The following ENTPD1 variants were observed in gnomAD, a reference collection of about 807,000 sequenced individuals.
The protein encoded by ENTPD1 is ATP diphosphohydrolase.
In ENTPD1, 33 loss-of-function variants were observed where a neutral mutation model predicts 57.0. That is an observed-to-expected ratio of 0.58 (90% CI 0.44 to 0.77). The LOEUF is 0.77. Ranked by LOEUF, ENTPD1 falls within the 30% of genes least tolerant of loss-of-function variation. The pLI, the probability that ENTPD1 is intolerant of heterozygous loss-of-function variation, is 0.00. For missense variants in ENTPD1, 501 were observed against 603.4 expected, an observed-to-expected ratio of 0.83 and a Z score of 1.78; for synonymous variants, 202 against 218.8, an observed-to-expected ratio of 0.92 and a Z score of 0.68.
intron 1 of ENTPD1, among the ~76,000 whole-genome samples, chr10:95,722,906 C>T (rs1222488645): frequency 1.3e-5 from 2 of 152,186 alleles, no homozygotes; most frequent in African/African-American, 4.8e-5. Flanking sequence ...AGTAAGCTAC[C>T]ATTTTGCTTT....
At chr10:95,862,203 A>AG (rs2098466470) in intron 8 of ENTPD1, among the ~76,000 whole-genome samples, 1 of 152,118 alleles carries the variant, frequency 6.6e-6, no homozygotes, top group Non-Finnish European at 1.5e-5. Context: ...CATTTGGGGA[A>AG]GGGGTTGCAG....
intron 8 of ENTPD1, among the ~76,000 whole-genome samples, chr10:95,863,731 G>C (rs2098469337): frequency 6.6e-6 from 1 of 152,196 alleles, no homozygotes; most frequent in Non-Finnish European, 1.5e-5. Flanking sequence ...TGGGAAAAGA[G>C]GGGTGTGGTT....
chr10:95,770,256 A>AGTGAGTGT (rs1555282688), intron 1 of ENTPD1, among the ~76,000 whole-genome samples: 5 of 135,008 alleles, frequency 3.7e-5, no homozygotes, highest in Non-Finnish European at 6.6e-5. Context: ...TGAGTGAGTG[A>AGTGAGTGT]GTGTGTGTGT....
At chr10:95,731,883 A>G (rs947658487) in intron 1 of ENTPD1, among the ~76,000 whole-genome samples, 2 of 144,402 alleles carry the variant, frequency 1.4e-5, no homozygotes, top group East Asian at 2.0e-4. Flanking sequence ...CCTGGGTTCA[A>G]GCTATTCTGA....
chr10:95,790,802 T>A (rs532628435), intron 1 of ENTPD1, among the ~76,000 whole-genome samples: 1 of 152,284 alleles, frequency 6.6e-6, no homozygotes, highest in South Asian at 2.1e-4. Context: ...ACTAAAAGGA[T>A]TGGTACTAAC....
chr10:95,837,685 G>A (rs2098413311), intron 2 of ENTPD1, among the ~76,000 whole-genome samples: 1 of 152,158 alleles, frequency 6.6e-6, no homozygotes, highest in Non-Finnish European at 1.5e-5. Context: ...TAGTGAAATG[G>A]AGTAGAGTTT....
chr10:95,861,854 G>A (rs1469441028), intron 8 of ENTPD1, among the ~76,000 whole-genome samples: 2 of 152,022 alleles, frequency 1.3e-5, no homozygotes, highest in Non-Finnish European at 2.9e-5. Flanking sequence ...AAATTAGCCG[G>A]GCATGGTGGT....
At chr10:95,776,889 T>C (rs1391380210) in intron 1 of ENTPD1, among the ~76,000 whole-genome samples, 1 of 152,244 alleles carries the variant, frequency 6.6e-6, no homozygotes, top group African/African-American at 2.4e-5. Context: ...CATTTGATCT[T>C]CCATCACTGA....
chr10:95,866,726 G>A lies in ENTPD1; in HGVS notation c.*343G>A. 1 of 1,165,178 alleles carries A rather than the reference G, an allele frequency of 8.6e-7. No homozygotes were observed. The highest frequency in any genetic ancestry group is 1.1e-6 in the Non-Finnish European group (1 of 933,352). 72.2% of individuals were successfully genotyped at this position (1,165,178 alleles called of 1,614,324 possible). A position where few individuals can be genotyped will look rare whatever the true frequency, so the allele number is the denominator to read the frequency against. On this transcript the variant is annotated 3_prime_UTR_variant, in exon 10 of 10. Transcript: ENST00000371205. ...TGTCTAGAAGAACTGAGAGTCTTGA[G>A]TCCTGTGATAGGAGGCTGAGCTGGC...
chr10:95,728,665 C>A (rs1210064687), intron 1 of ENTPD1, among the ~76,000 whole-genome samples: 2 of 152,142 alleles, frequency 1.3e-5, no homozygotes, highest in South Asian at 2.1e-4. Flanking sequence ...ACACAATTTA[C>A]TGGAAAGATG....
chr10:95,865,974 A>G (rs1249590470), intron 9 of ENTPD1, among the ~76,000 whole-genome samples: 1 of 152,152 alleles, frequency 6.6e-6, no homozygotes, highest in Non-Finnish European at 1.5e-5. Flanking sequence ...TATGTTGCCC[A>G]GGCTAGTCTC....
the ENTPD1 span, among the ~76,000 whole-genome samples, chr10:95,702,045 T>C: frequency 1.3e-5 from 2 of 151,652 alleles, no homozygotes; most frequent in Non-Finnish European, 2.9e-5. Context: ...AAGAAGAGAA[T>C]TCATAAAGAT....
intron 1 of ENTPD1, among the ~76,000 whole-genome samples, chr10:95,795,215 C>T (rs1442268734): frequency 6.6e-6 from 1 of 151,878 alleles, no homozygotes; most frequent in African/African-American, 2.4e-5. Flanking sequence ...TGGGAGATTC[C>T]AAGACTTGGT....
chr10:95,813,172 A>G (rs994166820), intron 1 of ENTPD1, among the ~76,000 whole-genome samples: 1 of 152,222 alleles, frequency 6.6e-6, no homozygotes, highest in African/African-American at 2.4e-5. Flanking sequence ...ACAGGTTGGG[A>G]AGTATAGCCT....
Position 95,791,030 on chromosome 10 carries a change from C to G in ENTPD1, c.17-32207C>G, listed in dbSNP as rs1313601502. On this transcript the variant is annotated intron_variant, in intron 1 of 9. Coordinates refer to ENST00000371205, the MANE Select transcript of ENTPD1 (RefSeq NM_001776.6). This position sits in a 1 kb window ranked among gnomAD's most constrained non-coding sequence, Gnocchi z 4.1. ...TGTATTACATAAAAGGATCAAGTAT[C>G]ATCAGGCTGGAAAAATGAGCTGAAA... Among the ~76,000 whole-genome samples, 1 of 152,182 alleles carries G rather than the reference C, an allele frequency of 6.6e-6. No individual in the cohort carries two copies. Among genetic ancestry groups the G allele is most frequent in the Non-Finnish European group, 1.5e-5 (1 of 68,026 alleles).
At chr10:95,794,423 GCCCT>G (rs1016653371) in intron 1 of ENTPD1, among the ~76,000 whole-genome samples, 1 of 152,122 alleles carries the variant, frequency 6.6e-6, no homozygotes, top group African/African-American at 2.4e-5. Context: ...CATGGTCCTT[GCCCT>G]CCTACCCAGT....
At chr10:95,756,033 G>C (rs2139925296), upstream of ENTPD1, 2 of 1,470,148 alleles carry the variant, frequency 1.4e-6, no homozygotes, top group African/African-American at 1.4e-5. Context: ...GGACTCCTCA[G>C]TCAATCTGTC....
At chr10:95,847,398 T>C (rs754869662) in intron 6 of ENTPD1, 48 bp from the exon 7 acceptor site, 1 of 1,612,114 alleles carries the variant, frequency 6.2e-7, no homozygotes, top group Non-Finnish European at 8.5e-7. Context: ...GTACCTTTTG[T>C]ATCCAAAGCG....
Position 95,756,194 on chromosome 10 carries a change from G to A in ENTPD1, c.-46G>A, listed in dbSNP as rs188484151. 827 of 1,580,152 alleles carry A rather than the reference G, an allele frequency of 5.2e-4. 2 individuals carry two copies. In the African/African-American group the frequency reaches 9.4e-3, roughly 18 times the overall value. On this transcript the variant is annotated 5_prime_UTR_variant, in exon 1 of 10. Coordinates refer to ENST00000371205, the MANE Select transcript of ENTPD1 (RefSeq NM_001776.6). Reference sequence around the variant, plus strand: ...ACGGACCACAGCAAGCAGAGGCTGGGGGGGGGAAAGACGAGGAAAGAGGAG... The same window carrying A: ...ACGGACCACAGCAAGCAGAGGCTGGAGGGGGGAAAGACGAGGAAAGAGGAG...
Sources: gnomAD v4.1 joint callset for allele counts (sites outside exome capture counted in the v4.1 genomes callset) on GRCh38, gnomAD v4.1.1 for gene constraint, Gnocchi (gnomAD v3.1) non-coding constraint, MANE v1.5 for transcripts, NCBI Gene and HGNC (gene_info 2026-07-23, HGNC 2026-07-21) for gene names.